Variants in MED12L observed in about 807,000 individuals in gnomAD.
MED12L encodes the protein mediator complex subunit 12L.
A neutral mutation model predicts 281.3 loss-of-function variants in MED12L; 60 were observed. That is an observed-to-expected ratio of 0.21 (90% CI 0.17 to 0.26). MED12L has a LOEUF of 0.26. Ranked by LOEUF, MED12L falls within the 10% of genes least tolerant of loss-of-function variation. The probability of loss-of-function intolerance (pLI) is 1.00; values close to 1 mark genes in which losing one functional copy is unlikely to be tolerated. For missense variants in MED12L, 2,146 were observed against 2,680.9 expected (o/e 0.80, Z 4.41); for synonymous variants, 974 against 987.2 (o/e 0.99, Z 0.25).
chr3:151,352,401 A>T (rs185745701), intron 17 of MED12L, among the ~76,000 whole-genome samples: 164 of 152,330 alleles, frequency 1.1e-3, no homozygotes, highest in Non-Finnish European at 1.3e-4. Flanking sequence ...TTTTAGATAA[A>T]GTTCCTTAAC....
chr3:151,384,946 G>A lies in MED12L; in HGVS notation c.4927-84G>A, dbSNP rs957743431. The stretch of plus-strand genomic sequence containing the variant: ...GCTATAAAAAGGGAAATGTTTCATA[G>A]GGGAACTTCCTTCTGGTTAACTTTT... On this transcript the variant is annotated intron_variant, in intron 35 of 44. Transcript: ENST00000687756. The A allele has an allele frequency of 8.9e-6, 7 of 785,550 alleles. No homozygotes were observed. In the East Asian group the frequency reaches 1.3e-4, roughly 14 times the overall value. 48.7% of individuals were successfully genotyped at this position (785,550 alleles called of 1,614,324 possible). A position where few individuals can be genotyped will look rare whatever the true frequency, so the allele number is the denominator to read the frequency against.
intron 16 of MED12L, among the ~76,000 whole-genome samples, chr3:151,271,362 T>C (rs757502417): frequency 6.6e-6 from 1 of 152,196 alleles, no homozygotes; most frequent in Non-Finnish European, 1.5e-5. Flanking sequence ...ATGTTAAGAA[T>C]TGACGAGGAA....
intron 16 of MED12L, among the ~76,000 whole-genome samples, chr3:151,209,940 T>C (rs927660755): frequency 1.3e-4 from 20 of 152,306 alleles, no homozygotes; most frequent in Non-Finnish European, 2.8e-4. Flanking sequence ...ATTGGGCTTA[T>C]TGGCTGTGGG....
chr3:151,287,612 C>G (rs1743706827), intron 16 of MED12L, among the ~76,000 whole-genome samples: 1 of 152,156 alleles, frequency 6.6e-6, no homozygotes, highest in African/African-American at 2.4e-5. Context: ...GCTTCAAAAC[C>G]TGTCACGATC....
chr3:151,210,012 C>T (rs1252604611), intron 16 of MED12L, among the ~76,000 whole-genome samples: 1 of 152,148 alleles, frequency 6.6e-6, no homozygotes, highest in African/African-American at 2.4e-5. Flanking sequence ...GGGTTTGTAC[C>T]ATGTCTTCAG....
rs549864983 is a variant in MED12L, at chr3:151,385,002, ACTCTCTCT to A, written c.4927-19_4927-12del. The A allele has an allele frequency of 8.7e-7, 1 of 1,150,944 alleles. No homozygotes were observed. 71.3% of individuals were successfully genotyped at this position (1,150,944 alleles called of 1,614,324 possible). A position where few individuals can be genotyped will look rare whatever the true frequency, so the allele number is the denominator to read the frequency against. Reference sequence around the variant, plus strand: ...CATTGTAATTTCTGTCCCACTTCTCACTCTCTCTCTCTCTCTTTTTTCTTTAGAAAGAG... The same window carrying A: ...CATTGTAATTTCTGTCCCACTTCTCACTCTCTCTTTTTTCTTTAGAAAGAG... On this transcript the variant is annotated intron_variant, in intron 35 of 44. Transcript: ENST00000687756.
chr3:151,332,734 C>T (rs980013869), intron 16 of MED12L, among the ~76,000 whole-genome samples: 2 of 136,528 alleles, frequency 1.5e-5, no homozygotes, highest in Non-Finnish European at 3.2e-5. Context: ...TGTAGACTGA[C>T]GTGATTTTTT....
intron 5 of MED12L, among the ~76,000 whole-genome samples, chr3:151,155,811 T>C (rs1719198941): frequency 6.6e-6 from 1 of 152,242 alleles, no homozygotes; most frequent in South Asian, 2.1e-4. Flanking sequence ...TTTGTTTTTT[T>C]GATATACTAA....
At chr3:151,145,280 C>T (rs922354466) in intron 5 of MED12L, among the ~76,000 whole-genome samples, 4 of 152,026 alleles carry the variant, frequency 2.6e-5, no homozygotes, top group Non-Finnish European at 4.4e-5. Context: ...CAGTGCACAG[C>T]GAGTGCACTA....
At chr3:151,183,236 A>G (rs974342314) in intron 11 of MED12L, among the ~76,000 whole-genome samples, 1 of 152,232 alleles carries the variant, frequency 6.6e-6, no homozygotes, top group Non-Finnish European at 1.5e-5. Context: ...TGAAGGTTCA[A>G]GACCATGCCT....
rs1478165983 is a variant in MED12L, at chr3:151,156,312, A to G, written c.708A>G (p.Leu236=). ...AMKQWEYNEK[L]AFHMFQEGML... is the part of the protein sequence containing the mutation. ...AGCAATGGGAATACAACGAAAAGCT[A>G]GCATTTCACATGTTCCAGGTAACCT... The change falls in exon 6 of 45, where the codon CTA becomes CTG. Residue 236 remains leucine (L), a synonymous_variant. Transcript: ENST00000687756. 1 of 1,608,340 alleles carries G rather than the reference A, an allele frequency of 6.2e-7. No homozygotes were observed.
intron 16 of MED12L, among the ~76,000 whole-genome samples, chr3:151,286,805 T>C (rs1289332276): frequency 6.6e-6 from 1 of 152,220 alleles, no homozygotes; most frequent in Non-Finnish European, 1.5e-5. Flanking sequence ...AGTGTCCTGG[T>C]TTTGACAATA....
intron 16 of MED12L, among the ~76,000 whole-genome samples, chr3:151,285,693 A>T (rs969219033): frequency 6.6e-6 from 1 of 152,112 alleles, no homozygotes; most frequent in African/African-American, 2.4e-5. Context: ...AATAAAAAAA[A>T]AATAAAAGAA....
chr3:151,255,867 CTCAATCTGTT>C (rs1430698408), intron 16 of MED12L, among the ~76,000 whole-genome samples: 9 of 152,190 alleles, frequency 5.9e-5, no homozygotes, highest in Admixed American at 5.2e-4. Flanking sequence ...TGTAATCTCT[CTCAATCTGTT>C]TCCCCATCTG....
chr3:151,158,823 C>A, intron 7 of MED12L, 24 bp downstream of exon 7: 1 of 1,518,118 alleles, frequency 6.6e-7, no homozygotes, highest in Admixed American at 1.7e-5. Flanking sequence ...CCCCTTGAGG[C>A]AGTTGGTTTT....
chr3:151,189,137 A>C (rs62284841), intron 13 of MED12L, among the ~76,000 whole-genome samples: 2,245 of 152,288 alleles, frequency 0.015, 14 homozygotes, highest in South Asian at 0.032. Context: ...AAAAAGTCAA[A>C]AGCAATAGAA....
At chr3:151,175,552 A>C (rs1368969456) in intron 11 of MED12L, among the ~76,000 whole-genome samples, 4 of 152,212 alleles carry the variant, frequency 2.6e-5, no homozygotes, top group Non-Finnish European at 5.9e-5. Context: ...TGAAACTGGC[A>C]AAAGATCTCA....
Position 151,086,920 on chromosome 3 carries a change from A to G in MED12L, c.-7A>G, listed in dbSNP as rs1322266020. 1.3e-6 allele frequency: 2 copies of G among 1,584,256 alleles called. No individual in the cohort carries two copies. Among genetic ancestry groups the G allele is most frequent in the African/African-American group, 2.7e-5 (2 of 73,992 alleles). On this transcript the variant is annotated 5_prime_UTR_variant, in exon 2 of 45. Transcript: ENST00000687756. ...CTCATTCATTTCGCCGGTTAACATG[A>G]GAGATCATGGCCGCCTTCGGGCTTC... is the stretch of plus-strand genomic sequence containing the variant.
At chr3:151,286,419 G>A (rs575151290) in intron 16 of MED12L, among the ~76,000 whole-genome samples, 4 of 152,246 alleles carry the variant, frequency 2.6e-5, no homozygotes, top group South Asian at 2.1e-4. Context: ...AATTGGATGG[G>A]CTGTGTTCCT....
Sources: allele counts gnomAD v4.1 joint callset (sites outside exome capture counted in the v4.1 genomes callset), GRCh38; gene constraint gnomAD v4.1.1; transcripts MANE v1.5; gene names NCBI Gene and HGNC (gene_info 2026-07-23, HGNC 2026-07-21).